The following ADAMTS3 variants were observed in gnomAD, a reference collection of about 807,000 sequenced individuals.
ADAMTS3 encodes A disintegrin and metalloproteinase with thrombospondin motifs 3.
ADAMTS3 carries 73 observed loss-of-function variants against 129.0 expected under a neutral mutation model. The observed-to-expected ratio is 0.57, with a 90% CI of 0.47 to 0.69. ADAMTS3 has a LOEUF of 0.69. Among genes scored for constraint, ADAMTS3 ranks in the 30% least tolerant of loss-of-function variants. ADAMTS3 has a pLI of 0.00. For synonymous variants in ADAMTS3, 477 were observed against 510.8 expected (o/e 0.93, Z 0.89); for missense variants, 1,457 against 1,514.5 (o/e 0.96, Z 0.63).
chr4:72,358,633 T>A (rs1382093620), intron 4 of ADAMTS3, among the ~76,000 whole-genome samples: 1 of 152,028 alleles, frequency 6.6e-6, no homozygotes, highest in Non-Finnish European at 1.5e-5. Flanking sequence ...ATAAATCTTT[T>A]ATCTGCCATC....
intron 4 of ADAMTS3, among the ~76,000 whole-genome samples, chr4:72,347,697 A>G (rs181203897): frequency 9.9e-5 from 15 of 152,110 alleles, no homozygotes; most frequent in South Asian, 2.1e-4. Flanking sequence ...ACTAAATTAT[A>G]TATTTTCTTA....
At chr4:72,284,601 T>C (rs981171524) in intron 21 of ADAMTS3, among the ~76,000 whole-genome samples, 12 of 152,194 alleles carry the variant, frequency 7.9e-5, no homozygotes, top group Admixed American at 7.9e-4. Flanking sequence ...TTTTATTGAA[T>C]TGACAGTACT....
At chr4:72,386,012 C>G (rs932288069) in intron 4 of ADAMTS3, among the ~76,000 whole-genome samples, 2 of 151,892 alleles carry the variant, frequency 1.3e-5, no homozygotes, top group African/African-American at 4.8e-5. Flanking sequence ...GTTAAGAAAT[C>G]TATAACCTAA....
At chr4:72,517,683 T>A (rs1182084817) in intron 3 of ADAMTS3, among the ~76,000 whole-genome samples, 4 of 152,256 alleles carry the variant, frequency 2.6e-5, no homozygotes, top group African/African-American at 9.6e-5. Flanking sequence ...GGTGGTGATA[T>A]CCCCTTTATC....
At chr4:72,311,219 A>C in intron 13 of ADAMTS3, 38 bp from the exon 14 acceptor site, 2 of 1,575,788 alleles carry the variant, frequency 1.3e-6, no homozygotes, top group Non-Finnish European at 1.7e-6. Flanking sequence ...TATTTACATA[A>C]AATGGAATGT....
intron 3 of ADAMTS3, among the ~76,000 whole-genome samples, chr4:72,517,320 G>A (rs1226461917): frequency 6.6e-6 from 1 of 152,196 alleles, no homozygotes; most frequent in Non-Finnish European, 1.5e-5. Flanking sequence ...GTCTCTGCCA[G>A]GCTTTGGTAT....
intron 3 of ADAMTS3, among the ~76,000 whole-genome samples, chr4:72,427,728 AAG>A (rs1158498045): frequency 1.3e-5 from 2 of 152,196 alleles, no homozygotes; most frequent in East Asian, 3.9e-4. Context: ...GGAAGAGAGA[AAG>A]AGCACAAGTG....
chr4:72,328,175 C>G (rs1719746532), intron 5 of ADAMTS3, among the ~76,000 whole-genome samples: 1 of 152,100 alleles, frequency 6.6e-6, no homozygotes, highest in Non-Finnish European at 1.5e-5. Context: ...CAGGGTTGAG[C>G]CTAGAGTCTT....
intron 4 of ADAMTS3, among the ~76,000 whole-genome samples, chr4:72,378,559 T>C (rs1473707744): frequency 1.3e-5 from 2 of 152,094 alleles, no homozygotes; most frequent in Non-Finnish European, 2.9e-5. Context: ...ATGCAAGAGG[T>C]AGCTTTCATT....
chr4:72,301,591 CAG>C (rs1267779503), intron 17 of ADAMTS3, among the ~76,000 whole-genome samples: 2 of 151,732 alleles, frequency 1.3e-5, no homozygotes, highest in East Asian at 3.9e-4. Flanking sequence ...CTGTATAAAA[CAG>C]AAACTAACAA....
At chr4:72,531,551 G>A (rs949122467) in intron 3 of ADAMTS3, among the ~76,000 whole-genome samples, 1 of 152,166 alleles carries the variant, frequency 6.6e-6, no homozygotes, top group Non-Finnish European at 1.5e-5. Context: ...CAGAGCTGGT[G>A]TAGGAACAGG....
intron 3 of ADAMTS3, among the ~76,000 whole-genome samples, chr4:72,516,229 G>A (rs1357461951): frequency 6.6e-6 from 1 of 152,066 alleles, no homozygotes; most frequent in African/African-American, 2.4e-5. Context: ...ATGCTGTTTT[G>A]GTTACTGTGG....
intron 3 of ADAMTS3, among the ~76,000 whole-genome samples, chr4:72,526,117 A>C (rs1720800591): frequency 6.6e-6 from 1 of 152,158 alleles, no homozygotes; most frequent in Non-Finnish European, 1.5e-5. Context: ...TGGCCAATTC[A>C]CTAACCCCTT....
At chr4:72,557,126 T>C (rs1309668208) in intron 2 of ADAMTS3, among the ~76,000 whole-genome samples, 2 of 151,916 alleles carry the variant, frequency 1.3e-5, no homozygotes, top group Non-Finnish European at 1.5e-5. Flanking sequence ...ATTCTCAGTA[T>C]GCAATAATCT....
chr4:72,446,727 G>C (rs192459192), intron 3 of ADAMTS3, among the ~76,000 whole-genome samples: 2 of 151,788 alleles, frequency 1.3e-5, no homozygotes, highest in African/African-American at 4.8e-5. Context: ...GCAAACTCAT[G>C]AGAGAGCAGT....
At chr4:72,413,617 C>T (rs1722232920) in intron 4 of ADAMTS3, among the ~76,000 whole-genome samples, 1 of 151,856 alleles carries the variant, frequency 6.6e-6, no homozygotes, top group African/African-American at 2.4e-5. Flanking sequence ...TTGAATACTA[C>T]CTTCAGCAAT....
At chr4:72,544,423 C>T (rs907699735) in intron 3 of ADAMTS3, among the ~76,000 whole-genome samples, 8 of 152,168 alleles carry the variant, frequency 5.3e-5, no homozygotes, top group African/African-American at 1.9e-4. Flanking sequence ...ACAAGAGTTA[C>T]ACTTGACCAA....
At chr4:72,467,596 A>G (rs189236182) in intron 3 of ADAMTS3, among the ~76,000 whole-genome samples, 1 of 152,038 alleles carries the variant, frequency 6.6e-6, no homozygotes, top group African/African-American at 2.4e-5. Context: ...GATTTGTCCC[A>G]TGTTATTTCT....
chr4:72,417,222 C>T (rs972482941), intron 3 of ADAMTS3, among the ~76,000 whole-genome samples: 3 of 152,144 alleles, frequency 2.0e-5, no homozygotes, highest in Non-Finnish European at 4.4e-5. Context: ...TTAAGATTTT[C>T]CAAAGATCAT....
Sources: allele counts gnomAD v4.1 joint callset (sites outside exome capture counted in the v4.1 genomes callset), GRCh38; gene constraint gnomAD v4.1.1; transcripts MANE v1.5; gene names NCBI Gene and HGNC (gene_info 2026-07-23, HGNC 2026-07-21).